GALR1: variants seen among roughly 807,000 people sequenced by gnomAD.
GALR1 encodes the protein galanin receptor 1, also known as galanin receptor type 1.
Under a neutral mutation model 17.9 loss-of-function variants are expected in GALR1, and 11 were observed. The ratio of observed to expected loss-of-function variants is 0.62; its 90% CI spans 0.39 to 1.02. The LOEUF (loss-of-function observed/expected upper bound fraction) is 1.02. Ranked by LOEUF, GALR1 falls within the 50% of genes least tolerant of loss-of-function variation. The pLI, the probability that GALR1 is intolerant of heterozygous loss-of-function variation, is 0.01. For missense variants in GALR1, 441 were observed against 456.9 expected, an observed-to-expected ratio of 0.97 and a Z score of 0.32; for synonymous variants, 206 against 205.7, an observed-to-expected ratio of 1.00 and a Z score of -0.01.
chr18:77,260,807 T>A (rs1474623735), intron 2 of GALR1, among the ~76,000 whole-genome samples: 1 of 152,234 alleles, frequency 6.6e-6, no homozygotes, highest in Non-Finnish European at 1.5e-5. Context: ...AAGCTGATTG[T>A]TAAAACCTTG....
intron 1 of GALR1, chr18:77,253,796 A>C (rs1912523594): frequency 6.6e-6 from 1 of 152,194 alleles, no homozygotes; most frequent in Non-Finnish European, 1.5e-5. Context: ...TTAAATAAAC[A>C]AAAAAACTTA....
intron 2 of GALR1, among the ~76,000 whole-genome samples, chr18:77,262,360 C>T (rs369644009): frequency 9.9e-5 from 15 of 152,260 alleles, no homozygotes; most frequent in East Asian, 3.9e-4. Context: ...TATCGTTTCC[C>T]GAGTTTGACA....
intron 1 of GALR1, among the ~76,000 whole-genome samples, chr18:77,251,969 A>T (rs1010403586): frequency 2.0e-5 from 3 of 152,178 alleles, no homozygotes; most frequent in Admixed American, 1.3e-4. Context: ...AATGGAATGG[A>T]CTCGAGCTTT....
At position 77,276,903 on chromosome 18, in the gene GALR1, T is replaced by C. The variant is rs1913169064; in HGVS notation, c.*8001T>C. 6.6e-6 allele frequency: 1 copy of C among 152,196 alleles called. No homozygotes were observed. The highest frequency in any genetic ancestry group is 2.4e-5 in the African/African-American group (1 of 41,442). 9.4% of individuals were successfully genotyped at this position (152,196 alleles called of 1,614,324 possible). A position where few individuals can be genotyped will look rare whatever the true frequency, so the allele number is the denominator to read the frequency against. On this transcript the variant is annotated 3_prime_UTR_variant, in exon 3 of 3. Coordinates refer to ENST00000299727, the MANE Select transcript of GALR1 (RefSeq NM_001480.4). ...TAATAACTTGTAAGACTTTCAGAGATTGTTATAATTTTTGCCTCAAAAAAA... is the reference window on the plus strand; with the variant it reads ...TAATAACTTGTAAGACTTTCAGAGACTGTTATAATTTTTGCCTCAAAAAAA...
At chr18:77,263,963 C>T (rs1034858978) in intron 2 of GALR1, among the ~76,000 whole-genome samples, 2 of 151,658 alleles carry the variant, frequency 1.3e-5, no homozygotes, top group South Asian at 2.1e-4. Flanking sequence ...GGTGAAAACC[C>T]GTCTATACTA....
chr18:77,264,918 G>A (rs1398153710), intron 2 of GALR1, among the ~76,000 whole-genome samples: 1 of 152,066 alleles, frequency 6.6e-6, no homozygotes, highest in African/African-American at 2.4e-5. Context: ...GGGATTATAG[G>A]AACTACAATT....
intron 2 of GALR1, among the ~76,000 whole-genome samples, chr18:77,257,869 G>C (rs183623747): frequency 1.3e-5 from 2 of 152,178 alleles, no homozygotes; most frequent in African/African-American, 4.8e-5. Context: ...GATTGGGCTC[G>C]TCAAACTTTA....
At chr18:77,265,649 A>G (rs903161321) in intron 2 of GALR1, among the ~76,000 whole-genome samples, 2 of 152,210 alleles carry the variant, frequency 1.3e-5, no homozygotes, top group Admixed American at 6.5e-5. Context: ...CTGCCTGGGC[A>G]TCCAAGCATT....
In GALR1 at chr18:77,277,429, C is replaced by T. The variant is rs1324947036; in HGVS notation, c.*8527C>T. ...AGCATTTCCCCTGCTGGTACATTCT[C>T]TCTTCGCCTGCTGCCATCCATGTAA... On this transcript the variant is annotated 3_prime_UTR_variant, in exon 3 of 3. Transcript: ENST00000299727. The T allele has an allele frequency of 6.6e-6, 1 of 152,298 alleles. No homozygotes were observed. Among genetic ancestry groups the T allele is most frequent in the Non-Finnish European group, 1.5e-5 (1 of 68,136 alleles). 9.4% of individuals were successfully genotyped at this position (152,298 alleles called of 1,614,324 possible). A position where few individuals can be genotyped will look rare whatever the true frequency, so the allele number is the denominator to read the frequency against.
At chr18:77,254,953 G>A (rs191144950) in intron 1 of GALR1, among the ~76,000 whole-genome samples, 1 of 152,194 alleles carries the variant, frequency 6.6e-6, no homozygotes, top group Non-Finnish European at 1.5e-5. Context: ...CACCTGCATA[G>A]GGCCTGGGCA....
chr18:77,258,845 G>GTGGTGGTGA (rs1178317565), intron 2 of GALR1, among the ~76,000 whole-genome samples: 27 of 5,138 alleles, frequency 5.3e-3, no homozygotes, highest in Non-Finnish European at 7.9e-3. Context: ...GGTGGTGATG[G>GTGGTGGTGA]TGGTGGTGAT....
chr18:77,268,813 C>T lies in GALR1; in HGVS notation c.961C>T (p.His321Tyr), dbSNP rs553756626. ...RKAYKQVFKC[H>Y]IRKDSHLSDT... ...GGCCTATAAACAAGTGTTCAAGTGT[C>T]ACATTCGCAAAGATTCACACCTGAG... is the stretch of plus-strand genomic sequence containing the variant. The change falls in exon 3 of 3, where the codon CAC becomes TAC. Residue 321 changes from histidine (H) to tyrosine (Y), a missense_variant. By Grantham distance (83) the His-to-Tyr change is moderately conservative (BLOSUM62 2). Transcript: ENST00000299727. 6.2e-7 allele frequency: 1 copy of T among 1,613,852 alleles called. No individual in the cohort carries two copies. The highest frequency in any genetic ancestry group is 1.3e-5 in the African/African-American group (1 of 75,040).
intron 1 of GALR1, among the ~76,000 whole-genome samples, chr18:77,255,392 A>G (rs935348049): frequency 1.3e-5 from 2 of 152,246 alleles, no homozygotes; most frequent in Non-Finnish European, 2.9e-5. Flanking sequence ...GTGTGTTTCA[A>G]GGAGATTCCC....
Position 77,253,167 on chromosome 18 carries a change from T to C in GALR1, c.666+1953T>C, listed in dbSNP as rs536226819. 3.3e-5 allele frequency among the ~76,000 whole-genome samples: 5 copies of C among 152,336 alleles called. No homozygotes were observed. The South Asian group carries it at 1.0e-3, about 32-fold the overall frequency. ...GATGCTAAACAAAGGCTATCTTACA[T>C]AGCACAATTATCTGATATGTGCACC... On this transcript the variant is annotated intron_variant, in intron 1 of 2. Transcript: ENST00000299727.
At chr18:77,252,009 A>G (rs1274352955) in intron 1 of GALR1, among the ~76,000 whole-genome samples, 5 of 152,176 alleles carry the variant, frequency 3.3e-5, no homozygotes, top group African/African-American at 7.2e-5. Context: ...CTTTTTAGAA[A>G]GGTCTCCTGA....
chr18:77,261,722 G>C (rs898207176), intron 2 of GALR1, among the ~76,000 whole-genome samples: 45 of 152,284 alleles, frequency 3.0e-4, no homozygotes, highest in African/African-American at 9.6e-4. Flanking sequence ...TTGATACCAA[G>C]CATTTTTTAT....
intron 2 of GALR1, among the ~76,000 whole-genome samples, chr18:77,267,304 C>T (rs973232857): frequency 3.9e-5 from 6 of 152,190 alleles, no homozygotes; most frequent in African/African-American, 1.2e-4. Context: ...TTCCCTGCAG[C>T]TCAGCTGCCC....
At position 77,250,288 on chromosome 18, in the gene GALR1, G is replaced by T. The variant is rs1399611532; in HGVS notation, c.-261G>T. ...CCGGGAAGGGGACCCCAGTGCTCTC[G>T]AGATCACCGTCCCTTCCCGAGAAGG... On this transcript the variant is annotated 5_prime_UTR_variant, in exon 1 of 3. Transcript: ENST00000299727. Among the ~76,000 whole-genome samples, 1 of 152,176 alleles carries T rather than the reference G, an allele frequency of 6.6e-6. No homozygotes were observed. Among genetic ancestry groups the T allele is most frequent in the African/African-American group, 2.4e-5 (1 of 41,458 alleles).
At position 77,250,537 on chromosome 18, in the gene GALR1, G is replaced by C; in HGVS notation, c.-12G>C. ...GCGCGCCCCGCCGCTCGCCGGGACA[G>C]CCCCGCGGGCCATGGAGCTGGCGGT... On this transcript the variant is annotated 5_prime_UTR_variant, in exon 1 of 3. Transcript: ENST00000299727. The C allele has an allele frequency of 6.6e-7, 1 of 1,505,686 alleles. No homozygotes were observed. The highest frequency in any genetic ancestry group is 8.8e-7 in the Non-Finnish European group (1 of 1,133,046). 93.3% of individuals were successfully genotyped at this position (1,505,686 alleles called of 1,614,324 possible). A position where few individuals can be genotyped will look rare whatever the true frequency, so the allele number is the denominator to read the frequency against.
Sources: allele counts gnomAD v4.1 joint callset (sites outside exome capture counted in the v4.1 genomes callset), GRCh38; gene constraint gnomAD v4.1.1; transcripts MANE v1.5; gene names NCBI Gene and HGNC (gene_info 2026-07-23, HGNC 2026-07-21).